The following VAV2 variants were observed in gnomAD, a reference collection of about 807,000 sequenced individuals.
VAV2 encodes vav guanine nucleotide exchange factor 2.
Under a neutral mutation model 132.5 loss-of-function variants are expected in VAV2, and 67 were observed. The ratio of observed to expected loss-of-function variants is 0.51; its 90% CI spans 0.42 to 0.62. The LOEUF (loss-of-function observed/expected upper bound fraction) is 0.62, where lower values mean the gene tolerates loss of function less well. Ranked by LOEUF, VAV2 falls within the 20% of genes least tolerant of loss-of-function variation. VAV2 has a pLI of 0.00. For missense variants in VAV2, 938 were observed against 1,153.6 expected, an observed-to-expected ratio of 0.81 and a Z score of 2.71; for synonymous variants, 492 against 443.5, an observed-to-expected ratio of 1.11 and a Z score of -1.37.
chr9:133,874,626 A>AGGAGG (rs1838191027), intron 2 of VAV2, among the ~76,000 whole-genome samples: 1 of 152,280 alleles, frequency 6.6e-6, no homozygotes, highest in South Asian at 2.1e-4. Context: ...CCTCAAGGGC[A>AGGAGG]GGAGGGAGGG....
chr9:133,805,920 CG>C (rs980127811), intron 9 of VAV2, among the ~76,000 whole-genome samples, 160 bp downstream of exon 9: 3 of 152,166 alleles, frequency 2.0e-5, no homozygotes, highest in African/African-American at 4.8e-5. Context: ...GGCTGCGGCT[CG>C]GGGTGGGTGG....
rs1036351262 is a variant in VAV2, at chr9:133,919,335, G to A, written c.321+19768C>T. Among the ~76,000 whole-genome samples the A allele has an allele frequency of 6.6e-6, 1 of 152,218 alleles. No individual in the cohort carries two copies. The highest frequency in any genetic ancestry group is 1.5e-5 in the Non-Finnish European group (1 of 68,034). On this transcript the variant is annotated intron_variant, in intron 2 of 29. Transcript: ENST00000371850. The surrounding 1 kb of genome is among the most constrained non-coding windows in gnomAD (Gnocchi z 5.8). ...GCACTTGTGGGAAAATAGAGGCTCA[G>A]AAAGGCTGGAGACTCTTAGGGCCCC...
intron 1 of VAV2, among the ~76,000 whole-genome samples, chr9:133,947,425 C>T (rs528434212): frequency 1.3e-5 from 2 of 152,242 alleles, no homozygotes; most frequent in East Asian, 1.9e-4. Context: ...TGTCGTTGGG[C>T]GCGGTGGCTG....
intron 1 of VAV2, among the ~76,000 whole-genome samples, chr9:133,989,145 C>A (rs1336994170): frequency 2.0e-5 from 3 of 152,168 alleles, no homozygotes; most frequent in Non-Finnish European, 4.4e-5. Flanking sequence ...TCAAGACCAG[C>A]CTGACCAACA....
intron 4 of VAV2, among the ~76,000 whole-genome samples, chr9:133,815,886 G>A (rs544699958): frequency 6.6e-6 from 1 of 152,182 alleles, no homozygotes; most frequent in African/African-American, 2.4e-5. Flanking sequence ...TCAAAGGGGA[G>A]GTCTAGACTC....
chr9:133,954,174 A>G (rs536169813), intron 1 of VAV2, among the ~76,000 whole-genome samples: 3 of 152,352 alleles, frequency 2.0e-5, no homozygotes, highest in African/African-American at 7.2e-5. Context: ...TCGAGAAGAA[A>G]GAGTCAATTG....
At chr9:133,782,106 CG>C (rs926154215) in intron 19 of VAV2, among the ~76,000 whole-genome samples, 3 of 132,732 alleles carry the variant, frequency 2.3e-5, no homozygotes, top group Non-Finnish European at 5.0e-5. Flanking sequence ...CCGGCGGGGG[CG>C]GGGCGGGGGA....
rs776337749 is a variant in VAV2 at position 133,789,258 on chromosome 9, C to A, written c.1274G>T (p.Arg425Met). The A allele has an allele frequency of 1.2e-6, 2 of 1,613,982 alleles. No homozygotes were observed. Among genetic ancestry groups the A allele is most frequent in the African/African-American group, 2.7e-5 (2 of 74,936 alleles). The part of the protein sequence containing the change: ...RSIVNHTKQD[R>M]YLFLFDKVVI... ...AGCCCACAACACGCGCCCTGCTCAC[C>A]TGTCCTGCTTGGTGTGGTTGACTAT... The change falls in exon 14 of 30, where the codon AGG (arginine) becomes ATG (methionine). Residue 425 changes from arginine to methionine, a missense_variant and splice_region_variant. Transcript: ENST00000371850.
chr9:133,976,101 G>T (rs1001481629), intron 1 of VAV2, among the ~76,000 whole-genome samples: 5 of 152,114 alleles, frequency 3.3e-5, no homozygotes, highest in African/African-American at 1.2e-4. Context: ...CAGCTACTCG[G>T]GAGGCAGAGG....
At chr9:133,822,727 C>T (rs530590541) in intron 4 of VAV2, among the ~76,000 whole-genome samples, 1 of 152,290 alleles carries the variant, frequency 6.6e-6, no homozygotes, top group East Asian at 1.9e-4. Flanking sequence ...CCCTCCTGGC[C>T]GTAACTCCCT....
chr9:133,989,898 C>A (rs1427333120), intron 1 of VAV2, among the ~76,000 whole-genome samples: 1 of 152,268 alleles, frequency 6.6e-6, no homozygotes, highest in Non-Finnish European at 1.5e-5. Context: ...GTGGCCCACC[C>A]TCCACGGGAC....
In VAV2 at chr9:133,942,754, C is replaced by T. The variant is rs575768244; in HGVS notation, c.205-3535G>A. 7.7e-3 allele frequency among the ~76,000 whole-genome samples: 1,169 copies of T among 152,336 alleles called. 16 individuals are homozygous for T. The highest frequency in any genetic ancestry group is 0.027 in the African/African-American group (1,118 of 41,572). On this transcript the variant is annotated intron_variant, in intron 1 of 29. Coordinates refer to ENST00000371850, the MANE Select transcript of VAV2 (RefSeq NM_001134398.2). ...GGCCCAGCAACTGCTGTGCCTGGCC[C>T]GGCCCCACCCGTGGCCACTCTGGCC...
rs56802789 is a variant in VAV2, at chr9:133,941,608, TGGG to T, written c.205-2392_205-2390del. On this transcript the variant is annotated intron_variant, in intron 1 of 29. Transcript: ENST00000371850. The stretch of plus-strand genomic sequence containing the variant: ...AATCCTGTGTGAGTCCACTTTTTTT[TGGG>T]GGGGGGGGGGGACGGAATTTCGCCC... Among the ~76,000 whole-genome samples the T allele has an allele frequency of 8.9e-3, 1,201 of 135,610 alleles. 29 individuals are homozygous for T. Among genetic ancestry groups the T allele is most frequent in the African/African-American group, 0.026 (930 of 35,570 alleles). 89.0% of individuals were successfully genotyped at this position (135,610 alleles called of 152,430 possible).
intron 2 of VAV2, among the ~76,000 whole-genome samples, chr9:133,871,424 AGATG>A (rs1188777913): frequency 7.7e-6 from 1 of 129,108 alleles, no homozygotes; most frequent in Non-Finnish European, 1.6e-5. Context: ...ATGGATGGAC[AGATG>A]GATGGATTGA....
At chr9:133,850,438 C>A (rs1837121228) in intron 3 of VAV2, among the ~76,000 whole-genome samples, 1 of 152,140 alleles carries the variant, frequency 6.6e-6, no homozygotes. Context: ...TGGCCCCGGG[C>A]CCAGCAGAAC....
Position 133,764,041 on chromosome 9 carries a change from G to C in VAV2, c.*21C>G. ...GTGACTCTCCCAAGAAAATCTGCGA[G>C]TCTTGTCCACGTTCCTGCCGTCACT... is the stretch of plus-strand genomic sequence containing the variant. On this transcript the variant is annotated 3_prime_UTR_variant, in exon 30 of 30. Transcript: ENST00000371850. 1 of 1,614,052 alleles carries C rather than the reference G, an allele frequency of 6.2e-7. No homozygotes were observed.
At chr9:133,832,902 G>A (rs1358028907) in intron 4 of VAV2, among the ~76,000 whole-genome samples, 1 of 152,202 alleles carries the variant, frequency 6.6e-6, no homozygotes, top group South Asian at 2.1e-4. Context: ...TGGTCAGGGT[G>A]GACAGTGGCC....
At chr9:133,951,625 C>T (rs376506559) in intron 1 of VAV2, among the ~76,000 whole-genome samples, 43 of 152,202 alleles carry the variant, frequency 2.8e-4, no homozygotes, top group African/African-American at 9.1e-4. Context: ...CCTCTCAGAG[C>T]CTCAGTTTCC....
intron 9 of VAV2, among the ~76,000 whole-genome samples, chr9:133,800,078 G>A (rs1299203051): frequency 6.6e-6 from 1 of 152,230 alleles, no homozygotes; most frequent in Non-Finnish European, 1.5e-5. Flanking sequence ...CTGAGGCTCA[G>A]AGAGCCCCGT....
Sources: gnomAD v4.1 joint callset for allele counts (sites outside exome capture counted in the v4.1 genomes callset) on GRCh38, gnomAD v4.1.1 for gene constraint, Gnocchi (gnomAD v3.1) non-coding constraint, MANE v1.5 for transcripts, NCBI Gene and HGNC (gene_info 2026-07-23, HGNC 2026-07-21) for gene names.